The following CLIC5 variants were observed in gnomAD, a reference collection of about 807,000 sequenced individuals.
CLIC5 encodes the protein chloride intracellular channel protein 5.
CLIC5 carries 20 observed loss-of-function variants against 24.7 expected under a neutral mutation model. That is an observed-to-expected ratio of 0.81 (90% CI 0.57 to 1.18). The LOEUF is 1.18. Among genes scored for constraint, CLIC5 ranks in the 50% most tolerant of loss-of-function variants. The probability of loss-of-function intolerance (pLI) is 0.00; values close to 1 mark genes in which losing one functional copy is unlikely to be tolerated. For missense variants in CLIC5, 341 were observed against 326.1 expected (o/e 1.05, Z -0.35); for synonymous variants, 159 against 135.6 (o/e 1.17, Z -1.20).
chr6:45,932,555 G>A (rs936358666), intron 4 of CLIC5: 2 of 152,366 alleles, frequency 1.3e-5, no homozygotes, highest in Non-Finnish European at 2.9e-5. Flanking sequence ...TGTGACCCCC[G>A]GGGTAGGGAG....
intron 1 of CLIC5, among the ~76,000 whole-genome samples, chr6:46,006,127 CATATATATAT>C (rs58643121): frequency 0.016 from 552 of 35,146 alleles, 26 homozygotes; most frequent in Non-Finnish European, 0.02. Flanking sequence ...TGTATAAATA[CATATATATAT>C]ATATATATAT....
chr6:46,046,406 T>C (rs1219490764), intron 1 of CLIC5, among the ~76,000 whole-genome samples: 1 of 152,198 alleles, frequency 6.6e-6, no homozygotes, highest in African/African-American at 2.4e-5. Flanking sequence ...GTCAGTACCA[T>C]TTCCCAAAAC....
At chr6:46,101,153 C>T in the CLIC5 span, among the ~76,000 whole-genome samples, 1 of 152,106 alleles carries the variant, frequency 6.6e-6, no homozygotes, top group Non-Finnish European at 1.5e-5. Flanking sequence ...CGTGAATCTG[C>T]GAAGATAGAA....
the CLIC5 span, among the ~76,000 whole-genome samples, chr6:46,087,123 A>C: frequency 1.3e-5 from 2 of 152,202 alleles, no homozygotes; most frequent in Non-Finnish European, 2.9e-5. Context: ...GAACATGGTC[A>C]TCCATATTTT....
intron 4 of CLIC5, among the ~76,000 whole-genome samples, chr6:45,917,856 C>T (rs902853878): frequency 6.6e-6 from 1 of 152,148 alleles, no homozygotes. Flanking sequence ...GAAACTAGAG[C>T]AACAAAAAGA....
chr6:46,108,096 GA>G, the CLIC5 span, among the ~76,000 whole-genome samples: 2 of 146,266 alleles, frequency 1.4e-5, no homozygotes, highest in African/African-American at 5.0e-5. Context: ...AGAAAATGGG[GA>G]AAATTATAAG....
At chr6:46,096,982 C>T in the CLIC5 span, 1 of 152,322 alleles carries the variant, frequency 6.6e-6, no homozygotes, top group South Asian at 2.1e-4. Context: ...GGATATTCTA[C>T]ATCTTCATAG....
chr6:46,085,436 G>A, the CLIC5 span, among the ~76,000 whole-genome samples: 3 of 152,208 alleles, frequency 2.0e-5, no homozygotes, highest in Non-Finnish European at 2.9e-5. Context: ...TGATGGTGAC[G>A]TACAGATGGG....
chr6:45,920,287 T>A, intron 4 of CLIC5: 1 of 984,670 alleles, frequency 1.0e-6, no homozygotes, highest in South Asian at 4.7e-5. Flanking sequence ...CTGCCTGTAC[T>A]AGGGGCCAGT....
intron 1 of CLIC5, among the ~76,000 whole-genome samples, chr6:46,026,920 A>T (rs1038995202): frequency 2.0e-5 from 3 of 152,212 alleles, no homozygotes; most frequent in Non-Finnish European, 4.4e-5. Flanking sequence ...CCAGAAGATG[A>T]GATAGCACCA....
chr6:45,909,040 C>CTT lies in CLIC5; in HGVS notation c.588+5186_588+5187dup, dbSNP rs60050419. 3.1e-3 allele frequency among the ~76,000 whole-genome samples: 425 copies of CTT among 136,658 alleles called. 1 individual carries two copies. Among genetic ancestry groups the CTT allele is most frequent in the African/African-American group, 9.4e-3 (354 of 37,736 alleles). 89.7% of individuals were successfully genotyped at this position (136,658 alleles called of 152,430 possible). On this transcript the variant is annotated intron_variant, in intron 5 of 5. Coordinates refer to ENST00000339561, the MANE Select transcript of CLIC5 (RefSeq NM_016929.5). ...CTATTATGTAATGCCCTTCTTTGTT[C>CTT]TTTTTTTTTTTTTCACTATTGTTGG...
chr6:46,020,487 T>G (rs929027601), upstream of CLIC5, among the ~76,000 whole-genome samples: 6 of 152,026 alleles, frequency 3.9e-5, no homozygotes, highest in South Asian at 4.2e-4. Flanking sequence ...GTTCTGAAAT[T>G]TATAATCTAG....
chr6:46,105,900 T>G, the CLIC5 span, among the ~76,000 whole-genome samples: 2 of 152,198 alleles, frequency 1.3e-5, no homozygotes, highest in African/African-American at 4.8e-5. Context: ...TGTATTTCTT[T>G]GTGTTTAGAT....
intron 1 of CLIC5, among the ~76,000 whole-genome samples, chr6:46,078,036 GA>G (rs938577167): frequency 1.1e-4 from 16 of 148,978 alleles, no homozygotes; most frequent in East Asian, 3.9e-4. Flanking sequence ...TCTGCCATGA[GA>G]AAAAAAAAAT....
chr6:46,077,352 G>A (rs1254758485), intron 1 of CLIC5, among the ~76,000 whole-genome samples: 2 of 151,940 alleles, frequency 1.3e-5, no homozygotes, highest in African/African-American at 4.8e-5. Flanking sequence ...CAGCCCAGTG[G>A]TCCACACTAA....
rs1304068446 is a variant in CLIC5 at position 45,898,976 on chromosome 6, G to T, written c.*4112C>A. ...CAACGTATTTTATTTATTTTTGGTTGCAAGAAAGGAATTGGATCTATTTCT... is the reference window on the plus strand; with the variant it reads ...CAACGTATTTTATTTATTTTTGGTTTCAAGAAAGGAATTGGATCTATTTCT... On this transcript the variant is annotated 3_prime_UTR_variant, in exon 6 of 6. Transcript: ENST00000339561. 6.6e-6 allele frequency: 1 copy of T among 152,132 alleles called. No individual in the cohort carries two copies. The highest frequency in any genetic ancestry group is 2.4e-5 in the African/African-American group (1 of 41,408). The allele number at this position is 152,132 out of a possible 1,614,324, so 9.4% of individuals were successfully genotyped here.
intron 1 of CLIC5, among the ~76,000 whole-genome samples, chr6:45,967,466 T>C (rs1162332594): frequency 6.6e-6 from 1 of 152,172 alleles, no homozygotes; most frequent in Non-Finnish European, 1.5e-5. Context: ...GCAGCAACAA[T>C]GCCTAATGTG....
chr6:45,969,687 A>T (rs2127402330), intron 1 of CLIC5, among the ~76,000 whole-genome samples: 1 of 152,164 alleles, frequency 6.6e-6, no homozygotes, highest in Admixed American at 6.5e-5. Context: ...GTTCCTGCTA[A>T]CCCTTGCTTA....
intron 6 of CLIC5, among the ~76,000 whole-genome samples, chr6:45,884,030 AT>A (rs1225650898): frequency 6.6e-6 from 1 of 152,188 alleles, no homozygotes; most frequent in East Asian, 1.9e-4. Flanking sequence ...ATAATAAGAG[AT>A]TTAATTATCT....
Sources: gnomAD v4.1 joint callset for allele counts (sites outside exome capture counted in the v4.1 genomes callset) on GRCh38, gnomAD v4.1.1 for gene constraint, MANE v1.5 for transcripts, NCBI Gene and HGNC (gene_info 2026-07-23, HGNC 2026-07-21) for gene names.